SHPK: variants seen among roughly 807,000 people sequenced by gnomAD.
SHPK encodes the protein carbohydrate kinase-like protein.
A neutral mutation model predicts 46.3 loss-of-function variants in SHPK; 51 were observed. That is an observed-to-expected ratio of 1.10 (90% CI 0.88 to 1.39). The LOEUF is 1.39. Among genes scored for constraint, SHPK ranks in the 40% most tolerant of loss-of-function variants. The probability of loss-of-function intolerance (pLI) is 0.00; values close to 1 mark genes in which losing one functional copy is unlikely to be tolerated. For missense variants in SHPK, 668 were observed against 641.3 expected (o/e 1.04, Z -0.45); for synonymous variants, 290 against 273.9 (o/e 1.06, Z -0.58).
intron 5 of SHPK, among the ~76,000 whole-genome samples, chr17:3,616,137 C>T (rs1254195032): frequency 6.6e-6 from 1 of 152,140 alleles, no homozygotes; most frequent in Non-Finnish European, 1.5e-5. Context: ...CAGGTGTGAG[C>T]CACCGTGCCC....
rs774906811 is a variant in SHPK at position 3,621,296 on chromosome 17, A to G, written c.764T>C (p.Val255Ala). The G allele has an allele frequency of 2.5e-6, 4 of 1,613,914 alleles. No individual in the cohort carries two copies. In the Admixed American group the frequency reaches 6.7e-5, roughly 27 times the overall value. The change falls in exon 5 of 7, where the codon GTG (valine) becomes GCG (alanine). Residue 255 changes from valine (V) to alanine (A), a missense_variant. Val to Ala is a moderately conservative substitution (Grantham distance 64). Coordinates refer to ENST00000225519, the MANE Select transcript of SHPK (RefSeq NM_013276.4). ...AGAGGCCTGTAAATCACCCAAGGCC[A>G]CTCCCACCTGCGTCCCCTTTGGGAT... ...FEIPKGTQVG[V>A]ALGDLQASVY...
chr17:3,630,168 T>G, intron 2 of SHPK, 37 bp downstream of exon 2: 1 of 1,613,248 alleles, frequency 6.2e-7, no homozygotes, highest in Non-Finnish European at 8.5e-7. Flanking sequence ...TGGAAGTGAC[T>G]GCTACCAGCC....
intron 6 of SHPK, among the ~76,000 whole-genome samples, chr17:3,612,814 C>T (rs1048646442): frequency 4.0e-5 from 6 of 150,750 alleles, no homozygotes; most frequent in Admixed American, 6.6e-5. Flanking sequence ...TGCAGTGGCG[C>T]GATCTCGGCT....
chr17:3,635,744 A>G (rs1455070467), intron 1 of SHPK, among the ~76,000 whole-genome samples: 1 of 152,004 alleles, frequency 6.6e-6, no homozygotes, highest in Non-Finnish European at 1.5e-5. Flanking sequence ...CACACAAGAG[A>G]TCAGTTCCTC....
intron 2 of SHPK, among the ~76,000 whole-genome samples, chr17:3,629,728 T>TAAAAA (rs59844560): frequency 8.2e-6 from 1 of 121,674 alleles, no homozygotes; most frequent in Non-Finnish European, 1.7e-5. Context: ...AACTCCACCT[T>TAAAAA]AAAAAAAAAA....
rs760118367 is a variant in SHPK, at chr17:3,636,228, T to G, written c.-9A>C. On this transcript the variant is annotated 5_prime_UTR_variant, in exon 1 of 7. Coordinates refer to ENST00000225519, the MANE Select transcript of SHPK (RefSeq NM_013276.4). ...ATCGGCCGCGCAGCCATTATCTCCCTGACCCGCGCAGCTCCAGTCTGCAGC... is the reference window on the plus strand; with the variant it reads ...ATCGGCCGCGCAGCCATTATCTCCCGGACCCGCGCAGCTCCAGTCTGCAGC... 2 of 1,594,034 alleles carry G rather than the reference T, an allele frequency of 1.3e-6. No individual in the cohort carries two copies. The highest frequency in any genetic ancestry group is 1.7e-6 in the Non-Finnish European group (2 of 1,166,308).
intron 1 of SHPK, among the ~76,000 whole-genome samples, chr17:3,634,265 TAA>T (rs34948942): frequency 4.5e-4 from 62 of 136,328 alleles, no homozygotes; most frequent in Admixed American, 3.7e-4. Context: ...AGTGATCAAT[TAA>T]AAAAAAAAAA....
chr17:3,615,859 T>G (rs1458590101), intron 5 of SHPK, among the ~76,000 whole-genome samples: 1 of 149,872 alleles, frequency 6.7e-6, no homozygotes, highest in Non-Finnish European at 1.5e-5. Context: ...AATTTTTTTT[T>G]TTTTTTTTTT....
At chr17:3,628,233 T>C (rs1026655451) in intron 2 of SHPK, among the ~76,000 whole-genome samples, 2 of 152,102 alleles carry the variant, frequency 1.3e-5, no homozygotes, top group African/African-American at 4.8e-5. Flanking sequence ...TGTAGTAAAA[T>C]GTTGATTTTG....
chr17:3,614,480 G>A (rs2075360388), intron 6 of SHPK, among the ~76,000 whole-genome samples: 1 of 150,844 alleles, frequency 6.6e-6, no homozygotes, highest in Admixed American at 6.6e-5. Context: ...AGCCGAGATC[G>A]CACTACTGCA....
intron 2 of SHPK, among the ~76,000 whole-genome samples, chr17:3,629,600 C>A (rs922525000): frequency 2.0e-5 from 3 of 151,856 alleles, no homozygotes; most frequent in African/African-American, 7.3e-5. Flanking sequence ...TGGTGGCAGG[C>A]ACCTGTAGTC....
intron 4 of SHPK, among the ~76,000 whole-genome samples, chr17:3,621,864 G>A (rs1005468866): frequency 4.0e-5 from 6 of 151,394 alleles, no homozygotes; most frequent in Non-Finnish European, 8.8e-5. Context: ...TCTTGGCCAG[G>A]CTGGTCTCGA....
intron 6 of SHPK, among the ~76,000 whole-genome samples, chr17:3,614,994 T>C (rs558586192): frequency 7.2e-4 from 109 of 151,482 alleles, no homozygotes; most frequent in African/African-American, 2.2e-3. Flanking sequence ...AGAGAAAACT[T>C]CATAAATTCT....
chr17:3,612,659 A>C lies in SHPK; in HGVS notation c.1025-1687T>G, dbSNP rs140858940. ...GTAAACACTTGCAGTTGATTCTTAT[A>C]CACAGCCACGCTGGGGAGCCCCCGA... is the stretch of plus-strand genomic sequence containing the variant. On this transcript the variant is annotated intron_variant, in intron 6 of 6. Transcript: ENST00000225519. Among the ~76,000 whole-genome samples, 1,025 of 152,112 alleles carry C rather than the reference A, an allele frequency of 6.7e-3. 21 individuals carry two copies. Among genetic ancestry groups the C allele is most frequent in the African/African-American group, 0.024 (975 of 41,488 alleles).
chr17:3,627,924 G>A (rs1023276156), intron 2 of SHPK, among the ~76,000 whole-genome samples: 5 of 151,880 alleles, frequency 3.3e-5, no homozygotes, highest in South Asian at 2.1e-4. Context: ...TTCTGCTCCC[G>A]CCACTGCTCG....
intron 6 of SHPK, among the ~76,000 whole-genome samples, chr17:3,615,062 G>A (rs530136648): frequency 3.3e-5 from 5 of 152,160 alleles, no homozygotes; most frequent in South Asian, 2.1e-4. Context: ...GAGGGCGGGG[G>A]AAAGCTGGGG....
chr17:3,621,620 C>CCTTCCTTA (rs2075403328), intron 4 of SHPK, among the ~76,000 whole-genome samples: 1 of 28,996 alleles, frequency 3.4e-5, no homozygotes, highest in Admixed American at 4.5e-4. Flanking sequence ...TCCCTCCCTC[C>CCTTCCTTA]CTTCCTTCCT....
chr17:3,624,328 G>T, intron 2 of SHPK, 97 bp from the exon 3 acceptor site: 1 of 1,150,824 alleles, frequency 8.7e-7, no homozygotes, highest in Non-Finnish European at 1.2e-6. Flanking sequence ...CAAAATATGT[G>T]CGAATCGTCC....
chr17:3,612,668 C>T lies in SHPK; in HGVS notation c.1025-1696G>A, dbSNP rs117195707. 5.3e-4 allele frequency among the ~76,000 whole-genome samples: 81 copies of T among 151,914 alleles called. 2 individuals are homozygous for T. The East Asian group carries it at 0.014, about 26-fold the overall frequency. Reference sequence around the variant, plus strand: ...TGCAGTTGATTCTTATACACAGCCACGCTGGGGAGCCCCCGACCTAGACCT... The same window carrying T: ...TGCAGTTGATTCTTATACACAGCCATGCTGGGGAGCCCCCGACCTAGACCT... On this transcript the variant is annotated intron_variant, in intron 6 of 6. Coordinates refer to ENST00000225519, the MANE Select transcript of SHPK (RefSeq NM_013276.4).
Sources: allele counts gnomAD v4.1 joint callset (sites outside exome capture counted in the v4.1 genomes callset), GRCh38; gene constraint gnomAD v4.1.1; transcripts MANE v1.5; gene names NCBI Gene and HGNC (gene_info 2026-07-23, HGNC 2026-07-21).